Variants in ZMAT1 observed in about 807,000 individuals in gnomAD.
The protein encoded by ZMAT1 is zinc finger matrin-type 1.
A neutral mutation model predicts 18.5 loss-of-function variants in ZMAT1; 11 were observed. The ratio of observed to expected loss-of-function variants is 0.59; its 90% CI spans 0.37 to 0.98. The LOEUF (loss-of-function observed/expected upper bound fraction) is 0.98, where lower values mean the gene tolerates loss of function less well. Among genes scored for constraint, ZMAT1 ranks in the 50% least tolerant of loss-of-function variants. The pLI is 0.01. For missense variants in ZMAT1, 525 were observed against 496.2 expected, an observed-to-expected ratio of 1.06 and a Z score of -0.55; for synonymous variants, 211 against 176.4, an observed-to-expected ratio of 1.20 and a Z score of -1.55.
chrX:101,888,163 A>G (rs1204082258), intron 4 of ZMAT1: 1 of 111,827 alleles, frequency 8.9e-6, no homozygotes, highest in East Asian at 2.8e-4. Flanking sequence ...AACATATTAA[A>G]GTAATATCTT....
chrX:101,914,130 A>G (rs1929142997), intron 1 of ZMAT1, among the ~76,000 whole-genome samples: 1 of 111,485 alleles, frequency 9.0e-6, no homozygotes, highest in Non-Finnish European at 1.9e-5. Flanking sequence ...ATATTGAAAA[A>G]TTTCTTGAAA....
At chrX:101,890,835 T>A (rs933500679) in intron 4 of ZMAT1, among the ~76,000 whole-genome samples, 9 of 110,934 alleles carry the variant, frequency 8.1e-5, no homozygotes, top group Non-Finnish European at 1.5e-4. Flanking sequence ...GGTACAAAAA[T>A]TCATGAAAAA....
rs868279178 is a variant in ZMAT1 at position 101,884,624 on chromosome X, A to C, written c.974T>G (p.Phe325Cys). Reference sequence around the variant, plus strand: ...AGTCTCAAATGGGAGTCTTTGTTCAAACATTCTATGTCTGGGTCTGGAATC... The same window carrying C: ...AGTCTCAAATGGGAGTCTTTGTTCACACATTCTATGTCTGGGTCTGGAATC... ...VVDSRPRHRM[F>C]EQRLPFETFR... The change falls in exon 6 of 6, where the codon TTT becomes TGT. Residue 325 changes from phenylalanine (F) to cysteine (C), a missense_variant. Transcript: ENST00000651725. 1 of 1,210,567 alleles carries C rather than the reference A, an allele frequency of 8.3e-7. No individual in the cohort carries two copies. Among genetic ancestry groups the C allele is most frequent in the Non-Finnish European group, 1.1e-6 (1 of 894,954 alleles).
Position 101,917,791 on chromosome X carries a change from T to G in ZMAT1, c.293-13461A>C, listed in dbSNP as rs774798862. On this transcript the variant is annotated intron_variant, in intron 1 of 5. Transcript: ENST00000651725. ...CTAAAATTTGGAAGCAACCGAAGTGTCCACCAACAGATGAATGGATAAAGA... is the reference window on the plus strand; with the variant it reads ...CTAAAATTTGGAAGCAACCGAAGTGGCCACCAACAGATGAATGGATAAAGA... 3.6e-5 allele frequency among the ~76,000 whole-genome samples: 4 copies of G among 112,640 alleles called. No homozygotes were observed. In the South Asian group the frequency reaches 1.5e-3, roughly 41 times the overall value.
intron 2 of ZMAT1, among the ~76,000 whole-genome samples, chrX:101,899,057 C>G (rs1474481106): frequency 9.0e-6 from 1 of 110,929 alleles, no homozygotes; most frequent in Non-Finnish European, 1.9e-5. Flanking sequence ...AAAAAAATGC[C>G]TAGGTCCCTG....
At chrX:101,900,907 T>C (rs191368992) in intron 2 of ZMAT1, among the ~76,000 whole-genome samples, 2 of 111,787 alleles carry the variant, frequency 1.8e-5, no homozygotes, top group Admixed American at 9.5e-5. Flanking sequence ...AATTTGTAGA[T>C]TGCATTTTCA....
rs1926949659 is a variant in ZMAT1, at chrX:101,886,405, G to C, written c.776+227C>G. ...CCAAAGAACACTGCTCTCTAGTCAGGAGGGGTGCCAGTTAGCCAGGTTTGC... is the reference window on the plus strand; with the variant it reads ...CCAAAGAACACTGCTCTCTAGTCAGCAGGGGTGCCAGTTAGCCAGGTTTGC... On this transcript the variant is annotated intron_variant, in intron 5 of 5. Coordinates refer to ENST00000651725, the MANE Select transcript of ZMAT1 (RefSeq NM_001394560.1). Among the ~76,000 whole-genome samples the C allele has an allele frequency of 2.7e-5, 3 of 111,394 alleles. 1 individual carries two copies. The Admixed American group carries it at 2.9e-4, about 11-fold the overall frequency.
chrX:101,888,248 G>C (rs1927106728), intron 4 of ZMAT1: 1 of 111,760 alleles, frequency 8.9e-6, no homozygotes, highest in Non-Finnish European at 1.9e-5. Flanking sequence ...TCATCTTGAA[G>C]ATTTTGGACT....
Position 101,883,704 on chromosome X carries a change from T to C in ZMAT1, c.1894A>G (p.Ser632Gly). The change falls in exon 6 of 6, where the codon AGC becomes GGC. Residue 632 changes from serine (S) to glycine (G), a missense_variant. Coordinates refer to ENST00000651725, the MANE Select transcript of ZMAT1 (RefSeq NM_001394560.1). ...TCCTCTCTTTTCCTTTGTCTGATGC[T>C]CTTGTCTTTGTCTAAATCTGTATCT... is the stretch of plus-strand genomic sequence containing the variant. ...YEDTDLDKDK[S>G]IRQRKREEDR... The C allele has an allele frequency of 8.3e-7, 1 of 1,208,311 alleles. No individual in the cohort carries two copies. Among genetic ancestry groups the C allele is most frequent in the Non-Finnish European group, 1.1e-6 (1 of 894,633 alleles).
At chrX:101,931,674 GA>G (rs1930502259) in intron 1 of ZMAT1, 42 bp downstream of exon 1, 1 of 752,622 alleles carries the variant, frequency 1.3e-6, no homozygotes, top group Non-Finnish European at 1.6e-6. Flanking sequence ...GAGAGGCAGC[GA>G]AGGAGATGGG....
chrX:101,897,948 C>T lies in ZMAT1; in HGVS notation c.596G>A (p.Gly199Glu). The T allele has an allele frequency of 8.3e-7, 1 of 1,211,475 alleles. No individual in the cohort carries two copies. The highest frequency in any genetic ancestry group is 1.1e-6 in the Non-Finnish European group (1 of 895,232). ...CTTCAGTTTTTTAGCATGGACCTTTCCCACATAGTGAGACTGAGCAATAAG... is the reference window on the plus strand; with the variant it reads ...CTTCAGTTTTTTAGCATGGACCTTTTCCACATAGTGAGACTGAGCAATAAG... ...SPLIAQSHYV[G>E]KVHAKKLKQL... is the part of the protein sequence containing the mutation. The change falls in exon 4 of 6, where the codon GGA becomes GAA. Residue 199 changes from glycine to glutamate, a missense_variant. Physicochemically the swap from Gly to Glu is moderately conservative, Grantham distance 98. Coordinates refer to ENST00000651725, the MANE Select transcript of ZMAT1 (RefSeq NM_001394560.1).
At chrX:101,929,422 ATTATATATATATAT>A (rs1416716810) in intron 1 of ZMAT1, among the ~76,000 whole-genome samples, 1 of 23,791 alleles carries the variant, frequency 4.2e-5, no homozygotes, top group African/African-American at 2.5e-4. Flanking sequence ...ATAGAGAGAG[ATTATATATATATAT>A]ATATATATAT....
At chrX:101,926,238 T>C (rs1398518371) in intron 1 of ZMAT1, among the ~76,000 whole-genome samples, 3 of 112,033 alleles carry the variant, frequency 2.7e-5, no homozygotes, top group African/African-American at 6.5e-5. Context: ...CTTATGTTGA[T>C]ATAAAATACT....
intron 2 of ZMAT1, among the ~76,000 whole-genome samples, chrX:101,903,992 A>G (rs1385587770): frequency 8.9e-6 from 1 of 111,767 alleles, no homozygotes; most frequent in Non-Finnish European, 1.9e-5. Context: ...GAGTGGTGTG[A>G]AGAGAAGAAA....
In ZMAT1 at chrX:101,893,322, A is replaced by T. The variant is rs190453687; in HGVS notation, c.676+4546T>A. Among the ~76,000 whole-genome samples, 30 of 111,689 alleles carry T rather than the reference A, an allele frequency of 2.7e-4. No individual in the cohort carries two copies. The East Asian group carries it at 6.5e-3, about 24-fold the overall frequency. On this transcript the variant is annotated intron_variant, in intron 4 of 5. Coordinates refer to ENST00000651725, the MANE Select transcript of ZMAT1 (RefSeq NM_001394560.1). Reference sequence around the variant, plus strand: ...GAAGCCCCTTATTTCAGATACACTCAACCTAGCAACAGGAAAAATACCTTA... The same window carrying T: ...GAAGCCCCTTATTTCAGATACACTCTACCTAGCAACAGGAAAAATACCTTA...
intron 1 of ZMAT1, 67 bp from the exon 2 acceptor site, chrX:101,904,397 C>T: frequency 2.5e-6 from 2 of 811,984 alleles, no homozygotes; most frequent in Non-Finnish European, 3.5e-6. Context: ...ATTTTTCATT[C>T]CTCAACTATA....
intron 1 of ZMAT1, among the ~76,000 whole-genome samples, chrX:101,906,187 C>T (rs1231594777): frequency 9.0e-6 from 1 of 111,721 alleles, no homozygotes; most frequent in Non-Finnish European, 1.9e-5. Flanking sequence ...TCCAGGCCTG[C>T]TCCAGTGCCA....
intron 2 of ZMAT1, among the ~76,000 whole-genome samples, chrX:101,898,518 T>A (rs1163981620): frequency 8.9e-6 from 1 of 112,187 alleles, no homozygotes; most frequent in African/African-American, 3.2e-5. Flanking sequence ...AAAGACTATG[T>A]TTTTCAGCCT....
rs755259738 is a variant in ZMAT1, at chrX:101,931,877, TGCCGCC to T, written c.126_131del (p.Ala43_Ala44del). The T allele has an allele frequency of 6.0e-5, 48 of 794,334 alleles. No individual in the cohort carries two copies. Among genetic ancestry groups the T allele is most frequent in the South Asian group, 1.9e-4 (4 of 20,728 alleles). 65.5% of individuals were successfully genotyped at this position (794,334 alleles called of 1,213,427 possible). A position where few individuals can be genotyped will look rare whatever the true frequency, so the allele number is the denominator to read the frequency against. On this transcript the variant is annotated inframe_deletion, in exon 1 of 6. Coordinates refer to ENST00000651725, the MANE Select transcript of ZMAT1 (RefSeq NM_001394560.1). The stretch of plus-strand genomic sequence containing the variant: ...TGGCGGAGGAGGCAGGAACAATTAC[TGCCGCC>T]GCCGCCGCCGCCGCCGCCGCTGCCG...
Sources: allele counts gnomAD v4.1 joint callset (sites outside exome capture counted in the v4.1 genomes callset), GRCh38; gene constraint gnomAD v4.1.1; transcripts MANE v1.5; gene names NCBI Gene and HGNC (gene_info 2026-07-23, HGNC 2026-07-21).